Variants in CTNNA3 observed in about 807,000 individuals in gnomAD.
CTNNA3 encodes the protein catenin alpha 3, also known as catenin alpha-3.
CTNNA3 carries 76 observed loss-of-function variants against 95.7 expected under a neutral mutation model. That is an observed-to-expected ratio of 0.79 (90% CI 0.66 to 0.96). The LOEUF is 0.96. Among genes scored for constraint, CTNNA3 ranks in the 40% least tolerant of loss-of-function variants. The pLI is 0.00. For missense variants in CTNNA3, 1,191 were observed against 1,089.8 expected (o/e 1.09, Z -1.31); for synonymous variants, 431 against 374.4 (o/e 1.15, Z -1.74).
At chr10:66,579,483 A>T (rs1224912976) in intron 10 of CTNNA3, among the ~76,000 whole-genome samples, 3 of 151,578 alleles carry the variant, frequency 2.0e-5, no homozygotes, top group African/African-American at 7.3e-5. Flanking sequence ...TACCACTATA[A>T]CTCTAAAGTA....
intron 5 of CTNNA3, among the ~76,000 whole-genome samples, chr10:67,431,009 T>G (rs1474449391): frequency 1.3e-5 from 2 of 151,974 alleles, no homozygotes; most frequent in African/African-American, 4.8e-5. Context: ...AAACTTCAGA[T>G]AGCTCCTTAA....
chr10:67,182,617 C>T (rs1476879601), intron 6 of CTNNA3, among the ~76,000 whole-genome samples: 2 of 152,074 alleles, frequency 1.3e-5, no homozygotes, highest in Non-Finnish European at 2.9e-5. Context: ...CCATTCAGGA[C>T]ATAGGCATGG....
At position 67,066,062 on chromosome 10, in the gene CTNNA3, G is replaced by A. The variant is rs139980430; in HGVS notation, c.1047+114255C>T. 4.9e-3 allele frequency among the ~76,000 whole-genome samples: 748 copies of A among 152,184 alleles called. 6 individuals are homozygous for A. Among genetic ancestry groups the A allele is most frequent in the African/African-American group, 0.017 (706 of 41,518 alleles). On this transcript the variant is annotated intron_variant, in intron 7 of 17. Coordinates refer to ENST00000433211, the MANE Select transcript of CTNNA3 (RefSeq NM_013266.4). ...CTGATGATCTATGAGGTTATTTAGG[G>A]TCTGTGTGAAACTTTTAGTTCTCTC...
chr10:66,360,826 TTTC>T (rs1294107127), intron 12 of CTNNA3, among the ~76,000 whole-genome samples: 1 of 66,898 alleles, frequency 1.5e-5, no homozygotes, highest in African/African-American at 6.8e-5. Flanking sequence ...CCTTTCTTTC[TTTC>T]TTTCTTTCTT....
rs527488665 is a variant in CTNNA3, at chr10:67,365,197, T to G, written c.580-145327A>C. ...ATGTAGAAAGCTGAAACAGGATCCC[T>G]TCCTTATATCTTATACAAAAAATAA... is the stretch of plus-strand genomic sequence containing the variant. On this transcript the variant is annotated intron_variant, in intron 5 of 17. Coordinates refer to ENST00000433211, the MANE Select transcript of CTNNA3 (RefSeq NM_013266.4). 3.5e-5 allele frequency among the ~76,000 whole-genome samples: 4 copies of G among 115,646 alleles called. No individual in the cohort carries two copies. The Admixed American group carries it at 4.2e-4, about 12-fold the overall frequency. The allele number at this position is 115,646 out of a possible 152,430, so 75.9% of individuals were successfully genotyped here.
chr10:66,177,848 T>C (rs1381846), intron 13 of CTNNA3, among the ~76,000 whole-genome samples: 97,759 of 151,736 alleles, frequency 0.64, 31,638 homozygotes, highest in South Asian at 0.71. Context: ...AACTATTTGT[T>C]AAATAAGAAA....
intron 12 of CTNNA3, among the ~76,000 whole-genome samples, chr10:66,337,089 T>C (rs182099517): frequency 3.3e-4 from 51 of 152,278 alleles, no homozygotes; most frequent in Non-Finnish European, 6.0e-4. Context: ...ATTTTGTTTC[T>C]AAACATATAT....
intron 5 of CTNNA3, among the ~76,000 whole-genome samples, chr10:67,405,459 A>G (rs996131866): frequency 6.6e-6 from 1 of 152,228 alleles, no homozygotes; most frequent in African/African-American, 2.4e-5. Context: ...AGAGTATTAC[A>G]TAATGATAAA....
At chr10:66,398,018 GT>G (rs1330086883) in intron 11 of CTNNA3, among the ~76,000 whole-genome samples, 4 of 151,892 alleles carry the variant, frequency 2.6e-5, no homozygotes, top group Non-Finnish European at 5.9e-5. Flanking sequence ...TTGACTTACT[GT>G]GAGAGTTATT....
At chr10:66,467,605 G>T (rs1291998024) in intron 11 of CTNNA3, among the ~76,000 whole-genome samples, 1 of 152,010 alleles carries the variant, frequency 6.6e-6, no homozygotes, top group Non-Finnish European at 1.5e-5. Flanking sequence ...ACAAAATAAG[G>T]CAACTCTTTT....
In CTNNA3 at chr10:66,875,379, T is replaced by C. The variant is rs186485657; in HGVS notation, c.1048-99855A>G. The stretch of plus-strand genomic sequence containing the variant: ...CAGTGTCCATTTTGTCACTTTTGCT[T>C]TTAATCACTGTTATTTAAAAAAAAA... On this transcript the variant is annotated intron_variant, in intron 7 of 17. Coordinates refer to ENST00000433211, the MANE Select transcript of CTNNA3 (RefSeq NM_013266.4). Among the ~76,000 whole-genome samples, 930 of 138,022 alleles carry C rather than the reference T, an allele frequency of 6.7e-3. 1 individual carries two copies. The highest frequency in any genetic ancestry group is 0.014 in the Middle Eastern group (4 of 284). 90.5% of individuals were successfully genotyped at this position (138,022 alleles called of 152,430 possible). A position where few individuals can be genotyped will look rare whatever the true frequency, so the allele number is the denominator to read the frequency against.
At chr10:66,501,117 G>T (rs913577434) in intron 11 of CTNNA3, among the ~76,000 whole-genome samples, 1 of 151,924 alleles carries the variant, frequency 6.6e-6, no homozygotes, top group East Asian at 1.9e-4. Context: ...TAAATTCCTG[G>T]TAATTACACA....
chr10:67,290,027 A>G lies in CTNNA3; in HGVS notation c.580-70157T>C, dbSNP rs1006656124. On this transcript the variant is annotated intron_variant, in intron 5 of 17. Coordinates refer to ENST00000433211, the MANE Select transcript of CTNNA3 (RefSeq NM_013266.4). ...CACTGTGTTGCCCAAACTGGCCTCA[A>G]ATTCCTGGCCTCAAGTAATCCTCCT... Among the ~76,000 whole-genome samples, 6 of 151,898 alleles carry G rather than the reference A, an allele frequency of 4.0e-5. No individual in the cohort carries two copies. The East Asian group carries it at 1.2e-3, about 29-fold the overall frequency.
At chr10:66,858,553 G>C (rs1312509144) in intron 7 of CTNNA3, among the ~76,000 whole-genome samples, 1 of 151,968 alleles carries the variant, frequency 6.6e-6, no homozygotes, top group African/African-American at 2.4e-5. Flanking sequence ...TGGTTGGTAG[G>C]CTTTTTGTTA....
chr10:66,134,157 A>G (rs1462466870), intron 13 of CTNNA3, among the ~76,000 whole-genome samples: 1 of 152,168 alleles, frequency 6.6e-6, no homozygotes, highest in Non-Finnish European at 1.5e-5. Flanking sequence ...TAAAAAACTC[A>G]TAAAAACCAA....
intron 5 of CTNNA3, among the ~76,000 whole-genome samples, chr10:67,266,958 A>C (rs752093953): frequency 6.6e-6 from 1 of 152,238 alleles, no homozygotes; most frequent in Non-Finnish European, 1.5e-5. Flanking sequence ...AATTAAAAAT[A>C]ATATTAACTT....
intron 9 of CTNNA3, among the ~76,000 whole-genome samples, chr10:66,716,839 A>G (rs1401399179): frequency 6.6e-6 from 1 of 152,168 alleles, no homozygotes; most frequent in Admixed American, 6.6e-5. Context: ...ACTTTGGTCT[A>G]TCAAAGCAAA....
intron 6 of CTNNA3, among the ~76,000 whole-genome samples, chr10:67,218,024 A>G (rs1360582676): frequency 6.6e-6 from 1 of 152,202 alleles, no homozygotes; most frequent in Non-Finnish European, 1.5e-5. Flanking sequence ...TAGGGTATAT[A>G]TGAAATATAA....
At chr10:67,101,833 A>G (rs1156306491) in intron 7 of CTNNA3, among the ~76,000 whole-genome samples, 1 of 151,876 alleles carries the variant, frequency 6.6e-6, no homozygotes, top group Non-Finnish European at 1.5e-5. Flanking sequence ...GAAGACAGAT[A>G]TCATCTCTCA....
Sources: allele counts gnomAD v4.1 joint callset (sites outside exome capture counted in the v4.1 genomes callset), GRCh38; gene constraint gnomAD v4.1.1; transcripts MANE v1.5; gene names NCBI Gene and HGNC (gene_info 2026-07-23, HGNC 2026-07-21).